Variants in SERPINB12 observed in about 807,000 individuals in gnomAD.
SERPINB12 encodes serpin family B member 12.
Under a neutral mutation model 41.1 loss-of-function variants are expected in SERPINB12, and 57 were observed. The ratio of observed to expected loss-of-function variants is 1.39; its 90% CI spans 1.12 to 1.73. SERPINB12 has a LOEUF of 1.73. Among genes scored for constraint, SERPINB12 ranks in the 40% most tolerant of loss-of-function variants. SERPINB12 has a pLI of 0.00. For synonymous variants in SERPINB12, 180 were observed against 181.3 expected (o/e 0.99, Z 0.06); for missense variants, 536 against 501.9 (o/e 1.07, Z -0.65).
chr18:63,566,930 T>C lies in SERPINB12; in HGVS notation c.1197T>C (p.Asn399=). 6.2e-7 allele frequency: 1 copy of C among 1,614,090 alleles called. No homozygotes were observed. Among genetic ancestry groups the C allele is most frequent in the South Asian group, 1.1e-5 (1 of 91,050 alleles). The change falls in exon 8 of 8, where the codon AAT becomes AAC. Residue 399 remains asparagine, a synonymous_variant. Transcript: ENST00000382768. Reference sequence around the variant, plus strand: ...CACTACGATCTTGGGTGGAGTTTAATGCCAACCACCCTTTTCTCTTTTTCA... The same window carrying C: ...CACTACGATCTTGGGTGGAGTTTAACGCCAACCACCCTTTTCTCTTTTTCA... ...ERSLRSWVEF[N]ANHPFLFFIR... is the part of the protein sequence containing the mutation.
At chr18:63,559,003 C>CTTTCTTTCTTTTCTTTCTTTCTTTCT (rs1491386715) in intron 3 of SERPINB12, among the ~76,000 whole-genome samples, 6 of 78,602 alleles carry the variant, frequency 7.6e-5, no homozygotes, top group African/African-American at 3.0e-4. Flanking sequence ...TCTTTCCTTC[C>CTTTCTTTCTTTTCTTTCTTTCTTTCT]TTCTTTCTTT....
upstream of SERPINB12, among the ~76,000 whole-genome samples, chr18:63,542,095 A>C (rs921560106): frequency 1.3e-5 from 2 of 152,142 alleles, no homozygotes; most frequent in Non-Finnish European, 2.9e-5. Flanking sequence ...AGGGCTCTGT[A>C]AGTTGTTTAG....
intron 1 of SERPINB12, among the ~76,000 whole-genome samples, chr18:63,546,236 A>G (rs1910384779): frequency 6.6e-6 from 1 of 152,168 alleles, no homozygotes; most frequent in Admixed American, 6.5e-5. Flanking sequence ...GTTTGTCCTT[A>G]AGACATGTCA....
At chr18:63,527,547 A>G in the SERPINB12 span, among the ~76,000 whole-genome samples, 2 of 151,920 alleles carry the variant, frequency 1.3e-5, no homozygotes, top group Non-Finnish European at 2.9e-5. Context: ...TTGTGGCAAT[A>G]TTTTTTTTCC....
intron 1 of SERPINB12, 102 bp from the exon 2 acceptor site, chr18:63,556,040 T>C (rs1422387057): frequency 5.9e-6 from 5 of 844,704 alleles, no homozygotes; most frequent in Middle Eastern, 3.0e-4. Context: ...GCATACTGAA[T>C]AATTGTGCAT....
chr18:63,548,514 T>C (rs952424798), intron 1 of SERPINB12, among the ~76,000 whole-genome samples: 3 of 151,910 alleles, frequency 2.0e-5, no homozygotes, highest in Non-Finnish European at 4.4e-5. Flanking sequence ...AATTCTATAA[T>C]AACAATAAAG....
the SERPINB12 span, among the ~76,000 whole-genome samples, chr18:63,526,613 C>T: frequency 1.3e-5 from 2 of 152,258 alleles, no homozygotes; most frequent in East Asian, 1.9e-4. Flanking sequence ...GATAGCTTAG[C>T]GTTATGATTT....
Position 63,559,715 on chromosome 18 carries a change from T to A in SERPINB12, c.441T>A (p.Cys147Ter), listed in dbSNP as rs1345988656. 3 of 1,613,884 alleles carry A rather than the reference T, an allele frequency of 1.9e-6. No individual in the cohort carries two copies. The highest frequency in any genetic ancestry group is 3.3e-5 in the Admixed American group (2 of 59,994). Residue 147 changes from cysteine (C) to a stop codon, truncating the protein, a stop_gained, in exon 4 of 8, where the codon TGT (cysteine) becomes TGA (stop). Transcript: ENST00000382768. LOFTEE classifies it high-confidence loss of function. ...ATGGAGAGCAGGAATTCCCAATCTG[T>A]CAGGTGAGTTGCACACGAATGGTGA... is the stretch of plus-strand genomic sequence containing the variant. ...RLYGEQEFPI[C>*]QEYLDGVIQF... is the part of the protein sequence containing the mutation.
chr18:63,554,061 C>T (rs1910599544), intron 1 of SERPINB12, among the ~76,000 whole-genome samples: 1 of 141,074 alleles, frequency 7.1e-6, no homozygotes, highest in African/African-American at 2.9e-5. Flanking sequence ...TTCCCAGATG[C>T]AAGATAAGAA....
chr18:63,564,089 A>G lies in SERPINB12; in HGVS notation c.674A>G (p.Asn225Ser). ...AKWETYFDHENTVDAPFCLNA... is the reference protein window; with the variant it reads ...AKWETYFDHESTVDAPFCLNA... ...TGGGAAACATACTTTGACCATGAAA[A>G]CACGGTGGATGCACCTTTCTGTCTA... The change falls in exon 6 of 8, where the codon AAC becomes AGC. Residue 225 changes from asparagine (N) to serine (S), a missense_variant. Transcript: ENST00000382768. 1.9e-6 allele frequency: 3 copies of G among 1,614,078 alleles called. No individual in the cohort carries two copies. Among genetic ancestry groups the G allele is most frequent in the Non-Finnish European group, 2.5e-6 (3 of 1,179,996 alleles).
At chr18:63,522,186 C>T in the SERPINB12 span, among the ~76,000 whole-genome samples, 1 of 151,892 alleles carries the variant, frequency 6.6e-6, no homozygotes, top group African/African-American at 2.4e-5. Context: ...ATTAAAAAAC[C>T]CCTTGAGGCT....
chr18:63,531,304 T>C, the SERPINB12 span, among the ~76,000 whole-genome samples: 1 of 152,234 alleles, frequency 6.6e-6, no homozygotes, highest in African/African-American at 2.4e-5. Flanking sequence ...GGATTACTAA[T>C]TTGTGCCAAC....
upstream of SERPINB12, among the ~76,000 whole-genome samples, chr18:63,542,178 T>A (rs1255344580): frequency 8.5e-5 from 13 of 152,314 alleles, no homozygotes; most frequent in East Asian, 1.5e-3. Flanking sequence ...TTTTTCCCAC[T>A]GTTCCCCTCT....
rs777950250 is a variant in SERPINB12 at position 63,565,453 on chromosome 18, C to G, written c.714C>G (p.Asn238Lys). 86 of 1,612,574 alleles carry G rather than the reference C, an allele frequency of 5.3e-5. No individual in the cohort carries two copies. In the Admixed American group the frequency reaches 1.4e-3, roughly 27 times the overall value. The change falls in exon 7 of 8, where the codon AAC becomes AAG. Residue 238 changes from asparagine to lysine, a missense_variant. Asn to Lys is a moderately conservative substitution (Grantham distance 94, BLOSUM62 0). Coordinates refer to ENST00000382768, the MANE Select transcript of SERPINB12 (RefSeq NM_001307928.2). ...TACCTTGACTACTACAGAATGAAAA[C>G]AAGAGTGTGAAGATGATGACGCAAA... is the stretch of plus-strand genomic sequence containing the variant. ...DAPFCLNANE[N>K]KSVKMMTQKG...
rs1911195706 is a variant in SERPINB12, at chr18:63,568,672, C to T, written c.*1661C>T. Among the ~76,000 whole-genome samples the T allele has an allele frequency of 6.6e-6, 1 of 152,156 alleles. No individual in the cohort carries two copies. Among genetic ancestry groups the T allele is most frequent in the South Asian group, 2.1e-4 (1 of 4,826 alleles). On this transcript the variant is annotated 3_prime_UTR_variant, in exon 8 of 8. Coordinates refer to ENST00000382768, the MANE Select transcript of SERPINB12 (RefSeq NM_001307928.2). ...CTTGCTTGCGGCTCAGTTTCCTTGGCCCACCTTGTGGCTGTCCTCCTCCCA... is the reference window on the plus strand; with the variant it reads ...CTTGCTTGCGGCTCAGTTTCCTTGGTCCACCTTGTGGCTGTCCTCCTCCCA...
chr18:63,564,716 G>A (rs1911034314), intron 6 of SERPINB12, among the ~76,000 whole-genome samples: 1 of 152,170 alleles, frequency 6.6e-6, no homozygotes, highest in African/African-American at 2.4e-5. Context: ...TAACATGTCT[G>A]CCCTTGGTGC....
chr18:63,523,727 A>G, the SERPINB12 span, among the ~76,000 whole-genome samples: 4 of 152,236 alleles, frequency 2.6e-5, no homozygotes, highest in African/African-American at 7.2e-5. Context: ...CAAACATTTC[A>G]GCATCAGGTC....
At chr18:63,562,070 C>T (rs773216068) in intron 5 of SERPINB12, among the ~76,000 whole-genome samples, 5 of 152,242 alleles carry the variant, frequency 3.3e-5, no homozygotes, top group Admixed American at 6.5e-5. Context: ...AACAGTTAAA[C>T]TGCTTAGATA....
At chr18:63,530,244 T>G in the SERPINB12 span, among the ~76,000 whole-genome samples, 7 of 152,146 alleles carry the variant, frequency 4.6e-5, no homozygotes, top group Non-Finnish European at 1.0e-4. Flanking sequence ...AGGATAGTGT[T>G]TTGAGGATAG....
Sources: gnomAD v4.1 joint callset for allele counts (sites outside exome capture counted in the v4.1 genomes callset) on GRCh38, gnomAD v4.1.1 for gene constraint, MANE v1.5 for transcripts, NCBI Gene and HGNC (gene_info 2026-07-23, HGNC 2026-07-21) for gene names.